The following CNTNAP4 variants were observed in gnomAD, a reference collection of about 807,000 sequenced individuals.
The protein encoded by CNTNAP4 is contactin-associated protein-like 4.
In CNTNAP4, 98 loss-of-function variants were observed where a neutral mutation model predicts 148.4. The ratio of observed to expected loss-of-function variants is 0.66; its 90% CI spans 0.56 to 0.78. CNTNAP4 has a LOEUF of 0.78. Among genes scored for constraint, CNTNAP4 ranks in the 30% least tolerant of loss-of-function variants. CNTNAP4 has a pLI of 0.00. For missense variants in CNTNAP4, 1,935 were observed against 1,565.6 expected (o/e 1.24, Z -3.98); for synonymous variants, 730 against 565.1 (o/e 1.29, Z -4.14).
intron 3 of CNTNAP4, among the ~76,000 whole-genome samples, chr16:76,424,666 G>T (rs557473793): frequency 6.6e-6 from 1 of 152,246 alleles, no homozygotes; most frequent in African/African-American, 2.4e-5. Flanking sequence ...GGCTGAGGCA[G>T]GAGAATTGCT....
intron 1 of CNTNAP4, among the ~76,000 whole-genome samples, chr16:76,311,864 G>T (rs1188698798): frequency 1.3e-5 from 2 of 152,132 alleles, no homozygotes; most frequent in African/African-American, 2.4e-5. Flanking sequence ...GCAGTAAAGG[G>T]ACCAGGATGA....
At chr16:76,285,004 C>G (rs573772082) in intron 1 of CNTNAP4, among the ~76,000 whole-genome samples, 1 of 152,096 alleles carries the variant, frequency 6.6e-6, no homozygotes, top group South Asian at 2.1e-4. Context: ...TTCATAGTTA[C>G]TAACTACAGT....
intron 7 of CNTNAP4, among the ~76,000 whole-genome samples, chr16:76,451,870 T>G (rs2080495736): frequency 6.6e-6 from 1 of 152,116 alleles, no homozygotes; most frequent in Admixed American, 6.6e-5. Flanking sequence ...TCAAAATAGC[T>G]ACAAGATAAG....
At chr16:76,288,048 G>A (rs928129097) in intron 1 of CNTNAP4, among the ~76,000 whole-genome samples, 1 of 151,890 alleles carries the variant, frequency 6.6e-6, no homozygotes, top group African/African-American at 2.4e-5. Context: ...ACCTTGAATT[G>A]TAATAACTCC....
intron 10 of CNTNAP4, among the ~76,000 whole-genome samples, chr16:76,471,587 C>T (rs1288668547): frequency 1.3e-5 from 2 of 152,166 alleles, no homozygotes; most frequent in Admixed American, 6.5e-5. Context: ...GCACCGTCCT[C>T]CATCCAGGCC....
At chr16:76,472,407 T>C (rs926291228) in intron 10 of CNTNAP4, among the ~76,000 whole-genome samples, 1 of 152,032 alleles carries the variant, frequency 6.6e-6, no homozygotes, top group Non-Finnish European at 1.5e-5. Context: ...AAATAACATA[T>C]GTATCACAAC....
At chr16:76,394,372 T>C (rs1026228954) in intron 3 of CNTNAP4, among the ~76,000 whole-genome samples, 3 of 152,086 alleles carry the variant, frequency 2.0e-5, no homozygotes, top group Non-Finnish European at 4.4e-5. Context: ...GTGTGAAAAG[T>C]CTAAAAAAAG....
intron 3 of CNTNAP4, among the ~76,000 whole-genome samples, chr16:76,367,323 A>G (rs1273988332): frequency 1.3e-5 from 2 of 152,120 alleles, no homozygotes; most frequent in African/African-American, 2.4e-5. Context: ...AAAAGAAAAT[A>G]TAGGACAATG....
intron 10 of CNTNAP4, among the ~76,000 whole-genome samples, chr16:76,471,431 T>A (rs1469684391): frequency 1.3e-5 from 2 of 152,130 alleles, no homozygotes; most frequent in African/African-American, 4.8e-5. Context: ...TAAGAGGCTG[T>A]TGAGTGACAA....
chr16:76,384,109 T>G (rs1404085362), intron 3 of CNTNAP4, among the ~76,000 whole-genome samples: 1 of 152,106 alleles, frequency 6.6e-6, no homozygotes, highest in Non-Finnish European at 1.5e-5. Flanking sequence ...AGTGGCACTA[T>G]CTTGGCTCGC....
intron 13 of CNTNAP4, among the ~76,000 whole-genome samples, chr16:76,493,116 G>C (rs1323185147): frequency 1.3e-5 from 2 of 152,240 alleles, no homozygotes; most frequent in Non-Finnish European, 2.9e-5. Flanking sequence ...GAATAGATTT[G>C]AAGTGGAGAG....
intron 4 of CNTNAP4, among the ~76,000 whole-genome samples, chr16:76,435,366 A>G (rs895522946): frequency 3.2e-4 from 49 of 152,142 alleles, no homozygotes; most frequent in African/African-American, 1.9e-4. Context: ...AAGTCAGACT[A>G]TTGTGATTGC....
At chr16:76,335,316 C>G (rs1963925670) in intron 2 of CNTNAP4, among the ~76,000 whole-genome samples, 1 of 152,164 alleles carries the variant, frequency 6.6e-6, no homozygotes, top group African/African-American at 2.4e-5. Context: ...AATATCTCTG[C>G]AAACCCTTCA....
Position 76,355,633 on chromosome 16 carries a change from T to A in CNTNAP4, c.390+122T>A, listed in dbSNP as rs570135878. 1.6e-4 allele frequency: 104 copies of A among 637,436 alleles called. 1 individual carries two copies. The highest frequency in any genetic ancestry group is 2.0e-4 in the Non-Finnish European group (82 of 412,868). The allele number at this position is 637,436 out of a possible 1,614,324, so 39.5% of individuals were successfully genotyped here. A position where few individuals can be genotyped will look rare whatever the true frequency, so the allele number is the denominator to read the frequency against. On this transcript the variant is annotated intron_variant, in intron 3 of 23. Coordinates refer to ENST00000611870, the MANE Select transcript of CNTNAP4 (RefSeq NM_033401.5). ...ATCTGCAGACTTACATTGAAAACAT[T>A]TTCCAAGAGAAAATATGGTAAATAA...
intron 2 of CNTNAP4, among the ~76,000 whole-genome samples, chr16:76,321,450 T>G (rs965867237): frequency 3.3e-5 from 5 of 152,302 alleles, no homozygotes; most frequent in African/African-American, 9.6e-5. Context: ...TAGGTGCTTT[T>G]TTATGAGTTG....
At chr16:76,401,021 GC>G (rs2144839283) in intron 3 of CNTNAP4, among the ~76,000 whole-genome samples, 1 of 152,222 alleles carries the variant, frequency 6.6e-6, no homozygotes, top group Non-Finnish European at 1.5e-5. Context: ...GGCTATTTGG[GC>G]TCTTTTTTGG....
At chr16:76,457,191 C>G (rs2080768445) in intron 8 of CNTNAP4, among the ~76,000 whole-genome samples, 1 of 152,120 alleles carries the variant, frequency 6.6e-6, no homozygotes, top group East Asian at 1.9e-4. Context: ...AAAGGGCCAA[C>G]CTATTATCAG....
At chr16:76,356,380 A>G (rs963706038) in intron 3 of CNTNAP4, among the ~76,000 whole-genome samples, 1 of 152,134 alleles carries the variant, frequency 6.6e-6, no homozygotes, top group African/African-American at 2.4e-5. Context: ...TGTAAAGTGT[A>G]TAAATGTGTA....
chr16:76,344,199 C>CATAT (rs58551609), intron 2 of CNTNAP4, among the ~76,000 whole-genome samples: 157 of 149,752 alleles, frequency 1.0e-3, no homozygotes, highest in African/African-American at 3.4e-3. Context: ...TACATACACA[C>CATAT]ATATATATAT....
Sources: gnomAD v4.1 joint callset for allele counts (sites outside exome capture counted in the v4.1 genomes callset) on GRCh38, gnomAD v4.1.1 for gene constraint, MANE v1.5 for transcripts, NCBI Gene and HGNC (gene_info 2026-07-23, HGNC 2026-07-21) for gene names.